The following ABCA13 variants were observed in gnomAD, a reference collection of about 807,000 sequenced individuals.
ABCA13 encodes the protein ATP binding cassette subfamily A member 13, also known as ATP-binding cassette sub-family A member 13.
In ABCA13, 476 loss-of-function variants were observed where a neutral mutation model predicts 478.7. The ratio of observed to expected loss-of-function variants is 0.99; its 90% CI spans 0.92 to 1.07. The LOEUF (loss-of-function observed/expected upper bound fraction) is 1.07. Ranked by LOEUF, ABCA13 falls within the 50% of genes least tolerant of loss-of-function variation. The pLI is 0.00. For missense variants in ABCA13, 6,060 were observed against 5,910.6 expected, an observed-to-expected ratio of 1.03 and a Z score of -0.83; for synonymous variants, 2,252 against 2,158.9, an observed-to-expected ratio of 1.04 and a Z score of -1.20.
In ABCA13 at chr7:48,274,947, C is replaced by T. The variant is rs1217110406; in HGVS notation, c.5281C>T (p.Pro1761Ser). ...PHAVRLLQGV[P>S]GKNITEGLKD... ...TGCTGTAAGGCTCCTGCAGGGAGTA[C>T]CTGGTAAAAACATCACTGAAGGCCT... The change falls in exon 17 of 62, where the codon CCT (proline) becomes TCT (serine). Residue 1761 changes from proline (P) to serine (S), a missense_variant. Physicochemically the swap from Pro to Ser is moderately conservative, Grantham distance 74 (BLOSUM62 -1). Transcript: ENST00000435803. 1 of 1,613,602 alleles carries T rather than the reference C, an allele frequency of 6.2e-7. No homozygotes were observed. The highest frequency in any genetic ancestry group is 1.3e-5 in the African/African-American group (1 of 74,880).
chr7:48,455,930 T>C (rs987447458), intron 43 of ABCA13, among the ~76,000 whole-genome samples: 1 of 150,962 alleles, frequency 6.6e-6, no homozygotes, highest in Non-Finnish European at 1.5e-5. Flanking sequence ...TAGAAACCGA[T>C]CCCCTAAGTT....
intron 3 of ABCA13, among the ~76,000 whole-genome samples, chr7:48,212,175 G>C (rs962839182): frequency 3.9e-5 from 6 of 152,130 alleles, no homozygotes. Context: ...TGCTCCCTCT[G>C]TGGGCACCAG....
At chr7:48,338,066 T>G (rs1402049836) in intron 28 of ABCA13, among the ~76,000 whole-genome samples, 1 of 152,212 alleles carries the variant, frequency 6.6e-6, no homozygotes, top group East Asian at 1.9e-4. Flanking sequence ...GTTCATTATA[T>G]AGGTTCGTTT....
At chr7:48,252,503 A>G (rs78931767) in intron 15 of ABCA13, among the ~76,000 whole-genome samples, 2 of 152,202 alleles carry the variant, frequency 1.3e-5, no homozygotes, top group African/African-American at 4.8e-5. Flanking sequence ...CCACAAACAT[A>G]TACAGGTTAT....
chr7:48,204,135 G>A (rs574490658), intron 3 of ABCA13, among the ~76,000 whole-genome samples: 1 of 147,804 alleles, frequency 6.8e-6, no homozygotes, highest in African/African-American at 2.5e-5. Flanking sequence ...TTTCTGAGAC[G>A]GAGTTTCTTT....
rs754416012 is a variant in ABCA13 at position 48,290,939 on chromosome 7, G to GAAAAAAA, written c.8955+2861_8955+2862insAAAAAAA. On this transcript the variant is annotated intron_variant, in intron 20 of 61. Transcript: ENST00000435803. ...AAGGTTTAGAGAGCTTCACACTCAG[G>GAAAAAAA]GAAAAAAAAAAAAAAAAAAAAAAAA... Among the ~76,000 whole-genome samples, 14 of 79,602 alleles carry GAAAAAAA rather than the reference G, an allele frequency of 1.8e-4. 1 individual carries two copies. Among genetic ancestry groups the GAAAAAAA allele is most frequent in the African/African-American group, 4.2e-4 (8 of 19,152 alleles). 52.2% of individuals were successfully genotyped at this position (79,602 alleles called of 152,430 possible).
At chr7:48,283,845 G>A (rs369994033) in intron 19 of ABCA13, among the ~76,000 whole-genome samples, 3 of 152,224 alleles carry the variant, frequency 2.0e-5, no homozygotes, top group African/African-American at 7.2e-5. Context: ...GGAAGAAGCA[G>A]GCGCTTTGAG....
chr7:48,383,253 T>C (rs1438751997), intron 35 of ABCA13, among the ~76,000 whole-genome samples: 1 of 152,208 alleles, frequency 6.6e-6, no homozygotes, highest in Admixed American at 6.5e-5. Flanking sequence ...GTTGCAGTTG[T>C]CTATGTGTGC....
Position 48,227,366 on chromosome 7 carries a change from C to G in ABCA13, c.573C>G (p.Ser191Arg). 6.2e-7 allele frequency: 1 copy of G among 1,613,984 alleles called. No homozygotes were observed. The highest frequency in any genetic ancestry group is 8.5e-7 in the Non-Finnish European group (1 of 1,179,900). ...TTTTACTGCCGAGACTACACACAAG[C>G]CATGATCATGTGGAAGATGGCATGG... is the stretch of plus-strand genomic sequence containing the variant. The part of the protein sequence containing the change: ...FLLLLPRLHT[S>R]HDHVEDGMDV... Residue 191 changes from serine (S) to arginine (R), a missense_variant, in exon 6 of 62, where the codon AGC becomes AGG. Transcript: ENST00000435803.
intron 42 of ABCA13, among the ~76,000 whole-genome samples, chr7:48,430,336 A>G (rs1024801484): frequency 6.6e-6 from 1 of 152,144 alleles, no homozygotes; most frequent in Non-Finnish European, 1.5e-5. Flanking sequence ...TTGGCATACA[A>G]TTGTTCATAG....
At chr7:48,635,238 A>T (rs1168143002) in intron 59 of ABCA13, among the ~76,000 whole-genome samples, 1 of 142,780 alleles carries the variant, frequency 7.0e-6, no homozygotes, top group Non-Finnish European at 1.5e-5. Flanking sequence ...AAAAAAAAAA[A>T]CCTAAAAACT....
At chr7:48,532,649 G>A (rs1833317179) in intron 55 of ABCA13, among the ~76,000 whole-genome samples, 1 of 151,812 alleles carries the variant, frequency 6.6e-6, no homozygotes, top group Admixed American at 6.6e-5. Context: ...GTTTTTGTTG[G>A]TAATTTTTTT....
At chr7:48,609,287 AT>A (rs1436289137) in intron 58 of ABCA13, among the ~76,000 whole-genome samples, 1 of 152,092 alleles carries the variant, frequency 6.6e-6, no homozygotes, top group Non-Finnish European at 1.5e-5. Context: ...AAATCCTCCT[AT>A]TCATTTGGTT....
chr7:48,248,475 A>G lies in ABCA13; in HGVS notation c.1865+31A>G. Reference sequence around the variant, plus strand: ...TACATGTTTGGTGGGAAACTTATAAACAATTGGGACATCAGAATGATTTCA... The same window carrying G: ...TACATGTTTGGTGGGAAACTTATAAGCAATTGGGACATCAGAATGATTTCA... On this transcript the variant is annotated intron_variant, in intron 14 of 61. Transcript: ENST00000435803. The G allele has an allele frequency of 1.3e-6, 2 of 1,490,266 alleles. 1 individual carries two copies. The highest frequency in any genetic ancestry group is 2.8e-5 in the South Asian group (2 of 72,634). The allele number at this position is 1,490,266 out of a possible 1,614,324, so 92.3% of individuals were successfully genotyped here. A position where few individuals can be genotyped will look rare whatever the true frequency, so the allele number is the denominator to read the frequency against.
chr7:48,218,503 C>A (rs935409557), intron 3 of ABCA13, among the ~76,000 whole-genome samples: 1 of 152,144 alleles, frequency 6.6e-6, no homozygotes, highest in Admixed American at 6.5e-5. Context: ...GGCGATATAG[C>A]AAGATCCTCT....
At chr7:48,637,412 A>T in intron 59 of ABCA13, among the ~76,000 whole-genome samples, 1 of 132,300 alleles carries the variant, frequency 7.6e-6, no homozygotes, top group African/African-American at 2.9e-5. Context: ...AAAAACAGAG[A>T]GAGAAAGAAA....
Position 48,387,807 on chromosome 7 carries a change from T to A in ABCA13, c.11336-15T>A, listed in dbSNP as rs770846962. 5.2e-6 allele frequency: 8 copies of A among 1,529,470 alleles called. No individual in the cohort carries two copies. Among genetic ancestry groups the A allele is most frequent in the African/African-American group, 2.8e-5 (2 of 71,324 alleles). 94.7% of individuals were successfully genotyped at this position (1,529,470 alleles called of 1,614,324 possible). On this transcript the variant is annotated splice_polypyrimidine_tract_variant and intron_variant, in intron 35 of 61. Coordinates refer to ENST00000435803, the MANE Select transcript of ABCA13 (RefSeq NM_152701.5). Reference sequence around the variant, plus strand: ...AATAAAAAATTAAACTAATTTTAATTGTTTCATTTTTTAGGAACATTTGGT... The same window carrying A: ...AATAAAAAATTAAACTAATTTTAATAGTTTCATTTTTTAGGAACATTTGGT...
At chr7:48,532,143 G>A (rs1230000012) in intron 55 of ABCA13, among the ~76,000 whole-genome samples, 1 of 152,022 alleles carries the variant, frequency 6.6e-6, no homozygotes, top group Non-Finnish European at 1.5e-5. Context: ...GTTTGTCATA[G>A]ATGGCTTTTA....
intron 52 of ABCA13, among the ~76,000 whole-genome samples, chr7:48,518,994 GT>G (rs1313241533): frequency 2.0e-4 from 30 of 151,912 alleles, no homozygotes; most frequent in African/African-American, 6.0e-4. Flanking sequence ...GCCCCAGTGT[GT>G]GTTGTTCCTG....
Sources: gnomAD v4.1 joint callset for allele counts (sites outside exome capture counted in the v4.1 genomes callset) on GRCh38, gnomAD v4.1.1 for gene constraint, MANE v1.5 for transcripts, NCBI Gene and HGNC (gene_info 2026-07-23, HGNC 2026-07-21) for gene names.